Variants in RBFOX1 observed in about 807,000 individuals in gnomAD.
RBFOX1 encodes the protein RNA binding fox-1 homolog 1, also known as RNA binding protein fox-1 homolog 1.
A neutral mutation model predicts 57.7 loss-of-function variants in RBFOX1; 8 were observed. The observed-to-expected ratio is 0.14, with a 90% confidence interval of 0.08 to 0.25. RBFOX1 has a LOEUF of 0.25. Among genes scored for constraint, RBFOX1 ranks in the 10% least tolerant of loss-of-function variants. The probability of loss-of-function intolerance (pLI) is 1.00; values close to 1 mark genes in which losing one functional copy is unlikely to be tolerated. For missense variants in RBFOX1, 611 were observed against 548.5 expected (o/e 1.11, Z -1.14); for synonymous variants, 326 against 222.4 (o/e 1.47, Z -4.15).
chr16:6,715,642 C>G (rs1448653099), intron 3 of RBFOX1, among the ~76,000 whole-genome samples: 1 of 152,112 alleles, frequency 6.6e-6, no homozygotes, highest in Non-Finnish European at 1.5e-5. Flanking sequence ...CATCTCCTAT[C>G]CGGATAAAGA....
intron 4 of RBFOX1, among the ~76,000 whole-genome samples, chr16:5,971,332 C>T (rs1403897513): frequency 2.0e-5 from 3 of 152,148 alleles, no homozygotes; most frequent in Non-Finnish European, 2.9e-5. Flanking sequence ...GGACGTTATC[C>T]TCAAGAAGAG....
At chr16:6,673,283 C>G (rs1220726175) in intron 3 of RBFOX1, among the ~76,000 whole-genome samples, 2 of 152,074 alleles carry the variant, frequency 1.3e-5, no homozygotes, top group Non-Finnish European at 1.5e-5. Flanking sequence ...GTTGCAAGTA[C>G]CAGTCATTCA....
At chr16:5,766,676 C>A (rs895558842) in intron 3 of RBFOX1, among the ~76,000 whole-genome samples, 1 of 152,238 alleles carries the variant, frequency 6.6e-6, no homozygotes, top group East Asian at 1.9e-4. Flanking sequence ...GGGATCCCCC[C>A]CCAGGACCCA....
At chr16:6,825,275 A>G (rs535387454) in intron 3 of RBFOX1, among the ~76,000 whole-genome samples, 2 of 149,814 alleles carry the variant, frequency 1.3e-5, no homozygotes, top group South Asian at 2.1e-4. Context: ...CCCCTTCCCT[A>G]CTCTAGATGC....
chr16:6,870,456 A>G (rs7196838), intron 3 of RBFOX1, among the ~76,000 whole-genome samples: 116,946 of 152,162 alleles, frequency 0.77, 46,066 homozygotes, highest in African/African-American at 0.94. Context: ...TTTAGTTGAC[A>G]CACGTCTGGC....
intron 2 of RBFOX1, among the ~76,000 whole-genome samples, chr16:5,547,541 A>C (rs1366527531): frequency 1.3e-5 from 2 of 152,230 alleles, no homozygotes; most frequent in Non-Finnish European, 2.9e-5. Context: ...ATTTATATGA[A>C]TTCTAAAAAA....
At chr16:5,682,511 A>G (rs1170746019) in intron 3 of RBFOX1, among the ~76,000 whole-genome samples, 1 of 152,190 alleles carries the variant, frequency 6.6e-6, no homozygotes, top group Non-Finnish European at 1.5e-5. Context: ...GGTGGAAGAG[A>G]TGACCATTTG....
intron 2 of RBFOX1, among the ~76,000 whole-genome samples, chr16:6,407,970 G>A (rs1490858893): frequency 6.6e-6 from 1 of 152,092 alleles, no homozygotes; most frequent in African/African-American, 2.4e-5. Context: ...AGGTGATTAG[G>A]CCATGAGGGT....
In RBFOX1 at chr16:6,605,604, G is replaced by C. The variant is rs76987440; in HGVS notation, c.-63-48999G>C. On this transcript the variant is annotated intron_variant, in intron 2 of 15. Transcript: ENST00000550418. Reference sequence around the variant, plus strand: ...TTTTACTTGTGCTGCTACTTTACATGTAGTGACTTCAAGTACAGAGTGAAA... The same window carrying C: ...TTTTACTTGTGCTGCTACTTTACATCTAGTGACTTCAAGTACAGAGTGAAA... Among the ~76,000 whole-genome samples, 276 of 152,268 alleles carry C rather than the reference G, an allele frequency of 1.8e-3. 1 individual carries two copies. Among genetic ancestry groups the C allele is most frequent in the African/African-American group, 6.4e-3 (267 of 41,556 alleles).
chr16:7,374,799 G>T (rs1420073524), intron 4 of RBFOX1, among the ~76,000 whole-genome samples: 1 of 152,098 alleles, frequency 6.6e-6, no homozygotes, highest in Non-Finnish European at 1.5e-5. Flanking sequence ...TAGAGTTACC[G>T]CCATGAGGTT....
chr16:5,486,904 C>T (rs574503061), intron 2 of RBFOX1, among the ~76,000 whole-genome samples: 6 of 152,254 alleles, frequency 3.9e-5, no homozygotes, highest in African/African-American at 7.2e-5. Context: ...GAAGCCCTTT[C>T]ACCTCAGCAG....
intron 3 of RBFOX1, among the ~76,000 whole-genome samples, chr16:6,655,621 A>T (rs2098644858): frequency 6.6e-6 from 1 of 152,096 alleles, no homozygotes; most frequent in Non-Finnish European, 1.5e-5. Flanking sequence ...TTTTATTGAC[A>T]AGAGTTCACA....
chr16:7,386,061 T>C (rs2097873750), intron 4 of RBFOX1, among the ~76,000 whole-genome samples: 1 of 152,054 alleles, frequency 6.6e-6, no homozygotes, highest in South Asian at 2.1e-4. Context: ...AGTGCTGGGA[T>C]TGCAGGTGTG....
At chr16:6,443,159 G>A (rs559240938) in intron 2 of RBFOX1, among the ~76,000 whole-genome samples, 2 of 152,250 alleles carry the variant, frequency 1.3e-5, no homozygotes, top group South Asian at 2.1e-4. Flanking sequence ...GTGAGCTATT[G>A]TATCCCTTCC....
rs2096262207 is a variant in RBFOX1 at position 6,097,719 on chromosome 16, C to T, written c.-127+77727C>T. Among the ~76,000 whole-genome samples the T allele has an allele frequency of 6.6e-6, 1 of 151,910 alleles. No homozygotes were observed. The highest frequency in any genetic ancestry group is 2.4e-5 in the African/African-American group (1 of 41,344). On this transcript the variant is annotated intron_variant, in intron 1 of 15. Transcript: ENST00000550418. The surrounding 1 kb of genome is among the most constrained non-coding windows in gnomAD (Gnocchi z 5.0). Reference sequence around the variant, plus strand: ...GAATCTGGAGCCCATAGACTCAACTCCTGTGCTATACTGCCTCTGTGTCTT... The same window carrying T: ...GAATCTGGAGCCCATAGACTCAACTTCTGTGCTATACTGCCTCTGTGTCTT...
intron 2 of RBFOX1, among the ~76,000 whole-genome samples, chr16:5,506,738 A>T (rs2043392903): frequency 6.6e-6 from 1 of 151,762 alleles, no homozygotes; most frequent in Non-Finnish European, 1.5e-5. Context: ...GATCTCCAAG[A>T]CCCCTTCTTT....
intron 1 of RBFOX1, among the ~76,000 whole-genome samples, chr16:6,196,883 C>T (rs1324285895): frequency 6.6e-6 from 1 of 151,772 alleles, no homozygotes; most frequent in African/African-American, 2.4e-5. Flanking sequence ...GCATCGAGGT[C>T]ATCTCTGTCC....
intron 3 of RBFOX1, among the ~76,000 whole-genome samples, chr16:6,708,129 C>T (rs1482597127): frequency 6.6e-6 from 1 of 152,166 alleles, no homozygotes; most frequent in Non-Finnish European, 1.5e-5. Flanking sequence ...TACCCACAGA[C>T]ACCTGGCTTG....
At chr16:7,135,369 C>T (rs1364035513) in intron 4 of RBFOX1, among the ~76,000 whole-genome samples, 2 of 152,202 alleles carry the variant, frequency 1.3e-5, no homozygotes, top group Non-Finnish European at 2.9e-5. Flanking sequence ...AGACTAGGCA[C>T]AGCAGAACAA....
Sources: gnomAD v4.1 joint callset for allele counts (sites outside exome capture counted in the v4.1 genomes callset) on GRCh38, gnomAD v4.1.1 for gene constraint, Gnocchi (gnomAD v3.1) non-coding constraint, MANE v1.5 for transcripts, NCBI Gene and HGNC (gene_info 2026-07-23, HGNC 2026-07-21) for gene names.